POU6F2: variants seen among roughly 807,000 people sequenced by gnomAD.
The protein encoded by POU6F2 is POU class 6 homeobox 2.
A neutral mutation model predicts 71.3 loss-of-function variants in POU6F2; 31 were observed. The ratio of observed to expected loss-of-function variants is 0.43; its 90% confidence interval spans 0.33 to 0.59. The LOEUF (loss-of-function observed/expected upper bound fraction) is 0.59. Ranked by LOEUF, POU6F2 falls within the 20% of genes least tolerant of loss-of-function variation. The pLI is 0.04. For synonymous variants in POU6F2, 347 were observed against 355.7 expected (o/e 0.98, Z 0.27); for missense variants, 783 against 856.8 (o/e 0.91, Z 1.07).
chr7:39,181,456 T>C (rs910931834), intron 2 of POU6F2, among the ~76,000 whole-genome samples: 5 of 152,232 alleles, frequency 3.3e-5, no homozygotes, highest in Non-Finnish European at 7.3e-5. Flanking sequence ...CATCTCTCAG[T>C]GCTATCTTTG....
chr7:39,204,364 T>A (rs35792719), intron 3 of POU6F2, 38 bp downstream of exon 3: 563,226 of 1,524,288 alleles, frequency 0.37, 107,090 homozygotes, highest in South Asian at 0.5. Context: ...GGGCTGCATT[T>A]AGGATGGTTT....
At chr7:39,150,037 A>C (rs1011166632) in intron 2 of POU6F2, among the ~76,000 whole-genome samples, 47 of 151,748 alleles carry the variant, frequency 3.1e-4, no homozygotes, top group Non-Finnish European at 4.4e-5. Flanking sequence ...AGGGGCCCGC[A>C]ACCACGCCCA....
chr7:39,353,458 G>A lies in POU6F2; in HGVS notation c.972+13443G>A, dbSNP rs188063727. ...ATGTATTTTCAATATTTGTATGTAT[G>A]CATACTTGCGTTTGCTTAATATATA... is the stretch of plus-strand genomic sequence containing the variant. On this transcript the variant is annotated intron_variant, in intron 5 of 9. Coordinates refer to ENST00000518318, the MANE Select transcript of POU6F2 (RefSeq NM_001370959.1). Among the ~76,000 whole-genome samples the A allele has an allele frequency of 3.4e-3, 524 of 152,320 alleles. 2 individuals carry two copies. The highest frequency in any genetic ancestry group is 0.011 in the South Asian group (55 of 4,822).
chr7:39,141,976 A>G (rs1792513342), intron 2 of POU6F2, among the ~76,000 whole-genome samples: 2 of 152,246 alleles, frequency 1.3e-5, no homozygotes, highest in South Asian at 4.2e-4. Context: ...AGTCCCACCT[A>G]CTCAGGAGGC....
chr7:38,998,455 T>C (rs755527582), intron 1 of POU6F2, among the ~76,000 whole-genome samples: 6 of 152,198 alleles, frequency 3.9e-5, no homozygotes, highest in Non-Finnish European at 5.9e-5. Flanking sequence ...ACATACAATA[T>C]GATCTCATTT....
intron 5 of POU6F2, among the ~76,000 whole-genome samples, chr7:39,359,706 C>G (rs1164781903): frequency 1.3e-5 from 2 of 152,042 alleles, no homozygotes; most frequent in Non-Finnish European, 2.9e-5. Context: ...AGAGGTTTCC[C>G]AAAGTTAATT....
chr7:39,137,981 G>A (rs933621212), intron 2 of POU6F2, among the ~76,000 whole-genome samples: 2 of 152,202 alleles, frequency 1.3e-5, no homozygotes, highest in Non-Finnish European at 2.9e-5. Flanking sequence ...CACAAATCTG[G>A]TGGGTGTCAT....
chr7:39,237,992 A>T (rs1017899886), intron 4 of POU6F2, among the ~76,000 whole-genome samples: 2 of 152,082 alleles, frequency 1.3e-5, no homozygotes, highest in Non-Finnish European at 2.9e-5. Flanking sequence ...TTTGAATCGC[A>T]GTCTTTGAGA....
chr7:39,252,180 T>C (rs969012944), intron 4 of POU6F2, among the ~76,000 whole-genome samples: 2 of 152,072 alleles, frequency 1.3e-5, no homozygotes, highest in African/African-American at 4.8e-5. Flanking sequence ...AGACAGGGTC[T>C]GTCCCTGCAG....
intron 5 of POU6F2, among the ~76,000 whole-genome samples, chr7:39,382,285 A>G (rs751411150): frequency 1.3e-5 from 2 of 152,194 alleles, no homozygotes; most frequent in South Asian, 2.1e-4. Context: ...GAACAGAAAC[A>G]TACAACAGAG....
chr7:39,133,259 C>T (rs767534331), intron 2 of POU6F2, among the ~76,000 whole-genome samples: 4 of 152,182 alleles, frequency 2.6e-5, no homozygotes, highest in African/African-American at 7.2e-5. Flanking sequence ...GCCACAGGCA[C>T]GCATGTGACT....
chr7:39,091,311 A>G (rs1304596847), intron 2 of POU6F2, among the ~76,000 whole-genome samples: 1 of 152,158 alleles, frequency 6.6e-6, no homozygotes, highest in East Asian at 1.9e-4. Context: ...TGCCTTTGCT[A>G]GCTCTTTGCT....
At chr7:39,197,118 A>T (rs994441775) in intron 2 of POU6F2, among the ~76,000 whole-genome samples, 2 of 152,036 alleles carry the variant, frequency 1.3e-5, no homozygotes, top group African/African-American at 4.8e-5. Context: ...AGGAGGGTGG[A>T]GGGGGCTTAG....
intron 4 of POU6F2, among the ~76,000 whole-genome samples, chr7:39,258,399 C>A (rs570010018): frequency 1.7e-4 from 26 of 152,272 alleles, no homozygotes; most frequent in Non-Finnish European, 3.1e-4. Context: ...GACATTTTCA[C>A]ATACTGGTTT....
intron 2 of POU6F2, among the ~76,000 whole-genome samples, chr7:39,138,362 G>T (rs1292303879): frequency 6.6e-6 from 1 of 152,202 alleles, no homozygotes. Flanking sequence ...TCAGTAGCCT[G>T]TTAGCAACCA....
At chr7:39,122,870 G>A (rs1792072307) in intron 2 of POU6F2, among the ~76,000 whole-genome samples, 1 of 152,008 alleles carries the variant, frequency 6.6e-6, no homozygotes, top group African/African-American at 2.4e-5. Flanking sequence ...ACCATGCCCA[G>A]CTAATTTTTG....
At chr7:39,357,838 G>A (rs144241374) in intron 5 of POU6F2, among the ~76,000 whole-genome samples, 1 of 152,354 alleles carries the variant, frequency 6.6e-6, no homozygotes, top group South Asian at 2.1e-4. Context: ...ATAAACAAGG[G>A]TGGGGGCTTC....
intron 1 of POU6F2, among the ~76,000 whole-genome samples, chr7:39,066,639 T>G (rs1302007610): frequency 6.6e-6 from 1 of 151,328 alleles, no homozygotes; most frequent in Non-Finnish European, 1.5e-5. Context: ...ATCTTCCTGA[T>G]AATAATAAAA....
intron 4 of POU6F2, among the ~76,000 whole-genome samples, chr7:39,286,383 A>T (rs1784649972): frequency 6.6e-6 from 1 of 152,180 alleles, no homozygotes; most frequent in South Asian, 2.1e-4. Flanking sequence ...TACTTATATA[A>T]TATTATTTCC....
Sources: allele counts gnomAD v4.1 joint callset (sites outside exome capture counted in the v4.1 genomes callset), GRCh38; gene constraint gnomAD v4.1.1; transcripts MANE v1.5; gene names NCBI Gene and HGNC (gene_info 2026-07-23, HGNC 2026-07-21).